TTC16: variants seen among roughly 807,000 people sequenced by gnomAD.
TTC16 encodes the protein tetratricopeptide repeat protein 16.
TTC16 carries 66 observed loss-of-function variants against 80.4 expected under a neutral mutation model. The ratio of observed to expected loss-of-function variants is 0.82; its 90% CI spans 0.67 to 1.01. The LOEUF (loss-of-function observed/expected upper bound fraction) is 1.01, where lower values mean the gene tolerates loss of function less well. Among genes scored for constraint, TTC16 ranks in the 50% least tolerant of loss-of-function variants. The pLI is 0.00. For synonymous variants in TTC16, 438 were observed against 451.3 expected (o/e 0.97, Z 0.37); for missense variants, 1,070 against 1,103.2 (o/e 0.97, Z 0.43).
intron 1 of TTC16, chr9:127,716,560 G>A: frequency 1.8e-6 from 1 of 545,872 alleles, no homozygotes; most frequent in Non-Finnish European, 3.3e-6. Flanking sequence ...GCCGGAAGTG[G>A]GAGCTGGGAA....
intron 8 of TTC16, 77 bp from the exon 9 acceptor site, chr9:127,724,679 C>G: frequency 2.6e-6 from 4 of 1,537,580 alleles, no homozygotes; most frequent in Middle Eastern, 1.8e-4. Context: ...CCCTGGCCCC[C>G]GGGCTGGAGC....
At chr9:127,724,451 G>C (rs751353372) in intron 8 of TTC16, 87 bp downstream of exon 8, 1 of 1,516,950 alleles carries the variant, frequency 6.6e-7, no homozygotes, top group Admixed American at 2.0e-5. Context: ...GAGGCCCCTG[G>C]GGGGAAGGAG....
chr9:127,716,324 T>C (rs1264608184), intron 1 of TTC16, 161 bp downstream of exon 1: 18 of 1,093,548 alleles, frequency 1.6e-5, no homozygotes, highest in Non-Finnish European at 2.3e-5. Flanking sequence ...TGAAAGATCC[T>C]TGTAAGGCTC....
At chr9:127,716,807 C>G in intron 1 of TTC16, 37 bp from the exon 2 acceptor site, 1 of 1,582,524 alleles carries the variant, frequency 6.3e-7, no homozygotes, top group Non-Finnish European at 8.6e-7. Context: ...GGGGTCGTCT[C>G]GGGGGCCTGC....
chr9:127,726,713 G>C (rs1359574648), intron 10 of TTC16, among the ~76,000 whole-genome samples: 1 of 148,824 alleles, frequency 6.7e-6, no homozygotes, highest in Admixed American at 6.8e-5. Flanking sequence ...GCTTCGACCC[G>C]GGAGGCAGAG....
Position 127,716,131 on chromosome 9 carries a change from C to G in TTC16, c.-15C>G. 6.2e-7 allele frequency: 1 copy of G among 1,613,958 alleles called. No individual in the cohort carries two copies. Among genetic ancestry groups the G allele is most frequent in the Non-Finnish European group, 8.5e-7 (1 of 1,180,010 alleles). ...TAGTTGGCAGAGGCCTCGGGGTCCT[C>G]CTGGAAGGGGCCTCATGACAGATTC... On this transcript the variant is annotated 5_prime_UTR_variant, in exon 1 of 14. Coordinates refer to ENST00000373289, the MANE Select transcript of TTC16 (RefSeq NM_144965.3).
At chr9:127,729,774 C>A in intron 13 of TTC16, 106 bp downstream of exon 13, 1 of 1,027,356 alleles carries the variant, frequency 9.7e-7, no homozygotes, top group Non-Finnish European at 1.5e-6. Context: ...GGCCCCGCTG[C>A]TGACAGCTGG....
Position 127,731,023 on chromosome 9 carries a change from G to C in TTC16, c.2240G>C (p.Ser747Thr), listed in dbSNP as rs547072063. 6.2e-7 allele frequency: 1 copy of C among 1,613,058 alleles called. No homozygotes were observed. Among genetic ancestry groups the C allele is most frequent in the African/African-American group, 1.3e-5 (1 of 74,998 alleles). Reference sequence around the variant, plus strand: ...ACTCAGGGCCAGAGGCAGAGCTCCAGCGAGATTGAGGCCACCCAGGGCCCA... The same window carrying C: ...ACTCAGGGCCAGAGGCAGAGCTCCACCGAGATTGAGGCCACCCAGGGCCCA... ...EATQGQRQSS[S>T]EIEATQGPRQ... Residue 747 changes from serine to threonine, a missense_variant, in exon 14 of 14, where the codon AGC becomes ACC. By Grantham distance (58) the Ser-to-Thr change is moderately conservative. Transcript: ENST00000373289.
At position 127,724,317 on chromosome 9, in the gene TTC16, C is replaced by T. The variant is rs372874655; in HGVS notation, c.1070C>T (p.Ala357Val). ...GAGGGCGTGCTGCTGCTGAACAAGG[C>T]CCTCCGGGACGAGCAGCAGGAGAAA... The part of the protein sequence containing the change: ...YQEGVLLLNK[A>V]LRDEQQEKGL... The change falls in exon 8 of 14, where the codon GCC (alanine) becomes GTC (valine). Residue 357 changes from alanine (A) to valine (V), a missense_variant. Coordinates refer to ENST00000373289, the MANE Select transcript of TTC16 (RefSeq NM_144965.3). The T allele has an allele frequency of 6.2e-7, 1 of 1,612,794 alleles. No homozygotes were observed. Among genetic ancestry groups the T allele is most frequent in the African/African-American group, 1.3e-5 (1 of 74,934 alleles).
At chr9:127,721,500 G>A (rs996349362) in intron 6 of TTC16, among the ~76,000 whole-genome samples, 1 of 150,264 alleles carries the variant, frequency 6.7e-6, no homozygotes, top group Non-Finnish European at 1.5e-5. Context: ...GGAGGAGCAG[G>A]TGGGCGGGGT....
chr9:127,723,698 C>T (rs1843674696), intron 7 of TTC16, among the ~76,000 whole-genome samples: 1 of 152,146 alleles, frequency 6.6e-6, no homozygotes, highest in South Asian at 2.1e-4. Flanking sequence ...GGAGTGACTC[C>T]AGGGGGCGGT....
chr9:127,720,374 A>G lies in TTC16; in HGVS notation c.636A>G (p.Arg212=). 1 of 1,612,722 alleles carries G rather than the reference A, an allele frequency of 6.2e-7. No individual in the cohort carries two copies. The change falls in exon 6 of 14, where the codon AGA becomes AGG. Residue 212 remains arginine, a synonymous_variant. Transcript: ENST00000373289. ...TNADVYIFRA[R]LYNFLQKPHL... is the part of the protein sequence containing the mutation. The stretch of plus-strand genomic sequence containing the variant: ...CCGATGTCTACATCTTCCGGGCCAG[A>G]CTCTACAACTTTCTCCAGAAGGTAC...
chr9:127,731,391 T>C lies in TTC16; in HGVS notation c.2608T>C (p.Tyr870His). The stretch of plus-strand genomic sequence containing the variant: ...TGAGGTTGATCAGGACCTCACCTAC[T>C]ATGAAGCTGTCTGAAGGGACCATCC... ...KTEVDQDLTY[Y>H]EAV The change falls in exon 14 of 14, where the codon TAT becomes CAT. Residue 870 changes from tyrosine to histidine, a missense_variant. Physicochemically the swap from Tyr to His is moderately conservative, Grantham distance 83. Coordinates refer to ENST00000373289, the MANE Select transcript of TTC16 (RefSeq NM_144965.3). 1 of 1,611,810 alleles carries C rather than the reference T, an allele frequency of 6.2e-7. No individual in the cohort carries two copies. The highest frequency in any genetic ancestry group is 1.1e-5 in the South Asian group (1 of 90,998).
Position 127,716,856 on chromosome 9 carries a change from G to A in TTC16, c.31G>A (p.Val11Ile), listed in dbSNP as rs759372121. 9 of 1,612,374 alleles carry A rather than the reference G, an allele frequency of 5.6e-6. No homozygotes were observed. The highest frequency in any genetic ancestry group is 1.3e-5 in the African/African-American group (1 of 74,846). MTDSDEDALK[V>I]DQGPSRDIPK... ...CCTTCGGTTCTAGGATGCCCTGAAGGTTGACCAGGGCCCCTCACGGGACAT... is the reference window on the plus strand; with the variant it reads ...CCTTCGGTTCTAGGATGCCCTGAAGATTGACCAGGGCCCCTCACGGGACAT... Residue 11 changes from valine (V) to isoleucine (I), a missense_variant, in exon 2 of 14, where the codon GTT becomes ATT. Coordinates refer to ENST00000373289, the MANE Select transcript of TTC16 (RefSeq NM_144965.3).
chr9:127,724,478 G>C, intron 8 of TTC16, 114 bp downstream of exon 8: 1 of 1,365,610 alleles, frequency 7.3e-7, no homozygotes, highest in Non-Finnish European at 9.9e-7. Flanking sequence ...AGAGAGGAAG[G>C]AAGCAAGGGA....
Position 127,716,095 on chromosome 9 carries a change from G to C in TTC16, c.-51G>C. The C allele has an allele frequency of 6.2e-7, 1 of 1,613,684 alleles. No homozygotes were observed. The highest frequency in any genetic ancestry group is 8.5e-7 in the Non-Finnish European group (1 of 1,179,900). On this transcript the variant is annotated 5_prime_UTR_variant, in exon 1 of 14. Transcript: ENST00000373289. ...ATGGTGCCTAGCAACGTCAGGGCCAGGGCCGCGAGGTAGTTGGCAGAGGCC... is the reference window on the plus strand; with the variant it reads ...ATGGTGCCTAGCAACGTCAGGGCCACGGCCGCGAGGTAGTTGGCAGAGGCC...
At position 127,724,214 on chromosome 9, in the gene TTC16, G is replaced by A; in HGVS notation, c.967G>A (p.Val323Met). ...GGTGACCGAGGACCAGGAGGACATG[G>A]TGCGGCAGGCACAGCGCCAGCTGTT... is the stretch of plus-strand genomic sequence containing the variant. ...DMVTEDQEDM[V>M]RQAQRQLLLT... Residue 323 changes from valine to methionine, a missense_variant, in exon 8 of 14, where the codon GTG (valine) becomes ATG (methionine). Transcript: ENST00000373289. 1 of 1,613,178 alleles carries A rather than the reference G, an allele frequency of 6.2e-7. No individual in the cohort carries two copies. Among genetic ancestry groups the A allele is most frequent in the Non-Finnish European group, 8.5e-7 (1 of 1,180,032 alleles).
rs150618592 is a variant in TTC16, at chr9:127,727,281, G to T, written c.1580G>T (p.Arg527Leu). 2.6e-6 allele frequency: 4 copies of T among 1,564,358 alleles called. No homozygotes were observed. Among genetic ancestry groups the T allele is most frequent in the South Asian group, 1.2e-5 (1 of 85,680 alleles). Reference protein sequence around the residue: ...SPQGIVGMLKRHELERQKALA... With the variant: ...SPQGIVGMLKLHELERQKALA... The stretch of plus-strand genomic sequence containing the variant: ...GTATCGTTTGGCAGGATGCTTAAAC[G>T]GCACGAGTTGGAGCGCCAGAAGGCC... Residue 527 changes from arginine to leucine, a missense_variant, in exon 12 of 14, where the codon CGG (arginine) becomes CTG (leucine). Transcript: ENST00000373289.
intron 8 of TTC16, 107 bp downstream of exon 8, chr9:127,724,471 G>A: frequency 7.1e-7 from 1 of 1,415,208 alleles, no homozygotes; most frequent in South Asian, 1.3e-5. Flanking sequence ...GGAAGGGAGA[G>A]AGGAAGGAAG....
Sources: gnomAD v4.1 joint callset for allele counts (sites outside exome capture counted in the v4.1 genomes callset) on GRCh38, gnomAD v4.1.1 for gene constraint, MANE v1.5 for transcripts, NCBI Gene and HGNC (gene_info 2026-07-23, HGNC 2026-07-21) for gene names.